The following CA5A variants were observed in gnomAD, a reference collection of about 807,000 sequenced individuals.
The protein encoded by CA5A is carbonic anhydrase 5A.
A neutral mutation model predicts 37.1 loss-of-function variants in CA5A; 28 were observed. The observed-to-expected ratio is 0.75, with a 90% CI of 0.56 to 1.03. The LOEUF (loss-of-function observed/expected upper bound fraction) is 1.03. Among genes scored for constraint, CA5A ranks in the 50% least tolerant of loss-of-function variants. The pLI is 0.00. For synonymous variants in CA5A, 171 were observed against 158.4 expected (o/e 1.08, Z -0.60); for missense variants, 444 against 399.9 (o/e 1.11, Z -0.94).
At chr16:87,935,957 G>C (rs2056465197) in intron 1 of CA5A, among the ~76,000 whole-genome samples, 1 of 152,064 alleles carries the variant, frequency 6.6e-6, no homozygotes, top group South Asian at 2.1e-4. Flanking sequence ...CGGATCGCGA[G>C]GTTAGGAGTT....
At chr16:87,932,841 C>T (rs1378176423) in intron 1 of CA5A, among the ~76,000 whole-genome samples, 6 of 152,196 alleles carry the variant, frequency 3.9e-5, no homozygotes, top group African/African-American at 1.4e-4. Flanking sequence ...CCTTGACCTC[C>T]ATGGGAGGAG....
At chr16:87,935,958 G>A (rs536124987) in intron 1 of CA5A, among the ~76,000 whole-genome samples, 2 of 152,216 alleles carry the variant, frequency 1.3e-5, no homozygotes, top group Admixed American at 1.3e-4. Context: ...GGATCGCGAG[G>A]TTAGGAGTTC....
chr16:87,936,216 G>T, intron 1 of CA5A, 93 bp downstream of exon 1: 1 of 826,836 alleles, frequency 1.2e-6, no homozygotes, highest in Non-Finnish European at 2.0e-6. Flanking sequence ...AACCCATCTG[G>T]CTCGGGACGG....
chr16:87,899,787 G>A (rs1348150344), intron 5 of CA5A, among the ~76,000 whole-genome samples: 2 of 151,024 alleles, frequency 1.3e-5, no homozygotes, highest in African/African-American at 4.9e-5. Flanking sequence ...AGGCATGGTG[G>A]TGGGCGCCGG....
chr16:87,901,984 A>G lies in CA5A; in HGVS notation c.556-10T>C. 1 of 1,613,120 alleles carries G rather than the reference A, an allele frequency of 6.2e-7. No homozygotes were observed. The highest frequency in any genetic ancestry group is 8.5e-7 in the Non-Finnish European group (1 of 1,179,254). Reference sequence around the variant, plus strand: ...GATGATGGGCCCCGAGCTGCATGGCAGACAAAGGAGGGGTTAGCTGCAAAG... The same window carrying G: ...GATGATGGGCCCCGAGCTGCATGGCGGACAAAGGAGGGGTTAGCTGCAAAG... On this transcript the variant is annotated splice_polypyrimidine_tract_variant and intron_variant, in intron 4 of 6. Coordinates refer to ENST00000649794, the MANE Select transcript of CA5A (RefSeq NM_001739.2).
At chr16:87,892,937 G>A in intron 5 of CA5A, 1 of 778,978 alleles carries the variant, frequency 1.3e-6, no homozygotes, top group Non-Finnish European at 2.1e-6. Flanking sequence ...GTGAGCCACT[G>A]TGCCCGGCCT....
rs371000298 is a variant in CA5A, at chr16:87,892,510, A to AAATAATAAT, written c.619-565_619-557dup. Reference sequence around the variant, plus strand: ...GGGCAACAGAGTGAGACTCTGTCTCAAATAATAATAATAATAATAATAATA... The same window carrying AAATAATAAT: ...GGGCAACAGAGTGAGACTCTGTCTCAAATAATAATAATAATAATAATAATAATAATAATA... On this transcript the variant is annotated intron_variant, in intron 5 of 6. Transcript: ENST00000649794. Among the ~76,000 whole-genome samples, 468 of 135,298 alleles carry AAATAATAAT rather than the reference A, an allele frequency of 3.5e-3. 1 individual carries two copies. The highest frequency in any genetic ancestry group is 9.3e-3 in the South Asian group (38 of 4,078). The allele number at this position is 135,298 out of a possible 152,430, so 88.8% of individuals were successfully genotyped here.
intron 5 of CA5A, among the ~76,000 whole-genome samples, chr16:87,898,679 C>T (rs1352878242): frequency 1.3e-5 from 2 of 151,940 alleles, no homozygotes; most frequent in Non-Finnish European, 2.9e-5. Context: ...CACCAAGAAC[C>T]AGACATGCTC....
At position 87,900,767 on chromosome 16, in the gene CA5A, C is replaced by A. The variant is rs576540455; in HGVS notation, c.618+1145G>T. ...CCTTGGGCTTGGGGTCGGACAGGGA[C>A]GTTCAAGGAGAGTGCTGGGTGGTAC... On this transcript the variant is annotated intron_variant, in intron 5 of 6. Transcript: ENST00000649794. Among the ~76,000 whole-genome samples, 4 of 152,312 alleles carry A rather than the reference C, an allele frequency of 2.6e-5. No individual in the cohort carries two copies. In the East Asian group the frequency reaches 7.7e-4, roughly 29 times the overall value.
rs552885037 is a variant in CA5A, at chr16:87,911,320, A to C, written c.341-6416T>G. Among the ~76,000 whole-genome samples the C allele has an allele frequency of 6.6e-5, 10 of 152,000 alleles. No homozygotes were observed. The South Asian group carries it at 1.9e-3, about 28-fold the overall frequency. ...CGTGCCAGACTCTCCAAACATAATA[A>C]CAGATGACGTTTGGGGCCGGCTCCA... On this transcript the variant is annotated intron_variant, in intron 2 of 6. Coordinates refer to ENST00000649794, the MANE Select transcript of CA5A (RefSeq NM_001739.2). This position sits in a 1 kb window ranked among gnomAD's most constrained non-coding sequence, Gnocchi z 4.6.
intron 1 of CA5A, among the ~76,000 whole-genome samples, chr16:87,934,874 C>T (rs1343174064): frequency 1.3e-5 from 2 of 152,046 alleles, no homozygotes; most frequent in East Asian, 1.9e-4. Context: ...TCAAGAGGAT[C>T]GCTTGAACCC....
intron 4 of CA5A, chr16:87,882,396 T>G (rs1174840137): frequency 1.3e-5 from 2 of 152,238 alleles, no homozygotes; most frequent in African/African-American, 4.8e-5. Context: ...ATGCTGCGTA[T>G]CCCTTGGCCT....
chr16:87,931,300 C>T (rs554985402), intron 1 of CA5A, among the ~76,000 whole-genome samples: 5 of 151,662 alleles, frequency 3.3e-5, no homozygotes, highest in Admixed American at 1.3e-4. Context: ...TTAGTAGAGA[C>T]GGGGTTTCAC....
chr16:87,904,715 T>C, intron 3 of CA5A, 71 bp downstream of exon 3: 1 of 954,018 alleles, frequency 1.0e-6, no homozygotes, highest in Non-Finnish European at 1.7e-6. Flanking sequence ...GCATGGCTTG[T>C]TCACCCCCCA....
chr16:87,909,074 G>C (rs893681158), intron 2 of CA5A, among the ~76,000 whole-genome samples: 1 of 150,482 alleles, frequency 6.6e-6, no homozygotes, highest in African/African-American at 2.5e-5. Context: ...CTCATGATCC[G>C]CCTGCCTTGG....
At chr16:87,912,741 A>T (rs1306715559) in intron 2 of CA5A, among the ~76,000 whole-genome samples, 1 of 152,214 alleles carries the variant, frequency 6.6e-6, no homozygotes, top group Non-Finnish European at 1.5e-5. Flanking sequence ...CCCCCGTGGA[A>T]GCGGCGTTTC....
intron 5 of CA5A, among the ~76,000 whole-genome samples, chr16:87,895,532 T>C (rs1376888137): frequency 2.6e-5 from 4 of 151,544 alleles, no homozygotes; most frequent in Non-Finnish European, 5.9e-5. Flanking sequence ...GCAACAAGAG[T>C]GAAACTCCAT....
At chr16:87,898,848 C>G (rs750070226) in intron 5 of CA5A, among the ~76,000 whole-genome samples, 3 of 151,622 alleles carry the variant, frequency 2.0e-5, no homozygotes, top group Non-Finnish European at 2.9e-5. Context: ...GATTCTCCTG[C>G]CTCAGCCTCC....
In CA5A at chr16:87,902,434, C is replaced by G; in HGVS notation, c.546G>C (p.Val182=). The change falls in exon 4 of 7, where the codon GTG becomes GTC. Residue 182 remains valine (V), a synonymous_variant. Transcript: ENST00000649794. ...VGENGLAVIG[V]FLKLGAHHQT... Reference sequence around the variant, plus strand: ...CCGAGCAAGTGATTACCTTTAAAAACACGCCTATCACAGCCAAACCATTCT... The same window carrying G: ...CCGAGCAAGTGATTACCTTTAAAAAGACGCCTATCACAGCCAAACCATTCT... The G allele has an allele frequency of 4.4e-6, 7 of 1,605,354 alleles. No individual in the cohort carries two copies. Among genetic ancestry groups the G allele is most frequent in the Non-Finnish European group, 4.3e-6 (5 of 1,172,268 alleles).
Sources: allele counts gnomAD v4.1 joint callset (sites outside exome capture counted in the v4.1 genomes callset), GRCh38; gene constraint gnomAD v4.1.1; non-coding constraint Gnocchi (gnomAD v3.1); transcripts MANE v1.5; gene names NCBI Gene and HGNC (gene_info 2026-07-23, HGNC 2026-07-21).